Variants in GALNT14 observed in about 807,000 individuals in gnomAD.
The protein encoded by GALNT14 is polypeptide N-acetylgalactosaminyltransferase 14, also known as UDP-GalNAc:polypeptide N-acetylgalactosaminyltransferase 14.
A neutral mutation model predicts 77.5 loss-of-function variants in GALNT14; 60 were observed. That is an observed-to-expected ratio of 0.77 (90% CI 0.63 to 0.96). GALNT14 has a LOEUF of 0.96. Among genes scored for constraint, GALNT14 ranks in the 40% least tolerant of loss-of-function variants. The pLI is 0.00. For synonymous variants in GALNT14, 280 were observed against 281.7 expected, an observed-to-expected ratio of 0.99 and a Z score of 0.06; for missense variants, 710 against 731.0, an observed-to-expected ratio of 0.97 and a Z score of 0.33.
At chr2:31,129,205 G>A (rs1001215879) in intron 1 of GALNT14, 2 of 219,988 alleles carry the variant, frequency 9.1e-6, no homozygotes, top group East Asian at 1.8e-4. Context: ...AGGCTAGCTT[G>A]CCCAAGTCCC....
At chr2:31,134,843 A>T (rs1339047526) in intron 1 of GALNT14, among the ~76,000 whole-genome samples, 1 of 152,208 alleles carries the variant, frequency 6.6e-6, no homozygotes, top group African/African-American at 2.4e-5. Context: ...GAGGGATCCC[A>T]TTCCATTCTT....
At chr2:31,014,030 G>A (rs1309513722) in intron 1 of GALNT14, among the ~76,000 whole-genome samples, 1 of 152,176 alleles carries the variant, frequency 6.6e-6, no homozygotes, top group Non-Finnish European at 1.5e-5. Flanking sequence ...CAAGACCTAT[G>A]CTCTGACACT....
intron 1 of GALNT14, among the ~76,000 whole-genome samples, chr2:31,036,504 G>T (rs1442642307): frequency 1.3e-5 from 2 of 152,102 alleles, no homozygotes; most frequent in Non-Finnish European, 2.9e-5. Context: ...ATTGCTTTAT[G>T]TGGCTGTCTT....
intron 6 of GALNT14, among the ~76,000 whole-genome samples, chr2:30,951,525 T>C (rs1336153257): frequency 6.6e-6 from 1 of 152,218 alleles, no homozygotes; most frequent in East Asian, 1.9e-4. Context: ...TGAAAACTTT[T>C]AAAATTAAGC....
chr2:30,896,318 T>A, the GALNT14 span, among the ~76,000 whole-genome samples: 1 of 152,202 alleles, frequency 6.6e-6, no homozygotes, highest in Non-Finnish European at 1.5e-5. Flanking sequence ...ATTTGTCACA[T>A]TTTCTTTCTG....
chr2:31,053,691 C>A (rs1292079276), intron 1 of GALNT14, among the ~76,000 whole-genome samples: 1 of 152,190 alleles, frequency 6.6e-6, no homozygotes, highest in Non-Finnish European at 1.5e-5. Flanking sequence ...TTACTAGATT[C>A]TCCTATTGCT....
chr2:31,094,534 G>A (rs1676911217), intron 1 of GALNT14, among the ~76,000 whole-genome samples: 1 of 152,230 alleles, frequency 6.6e-6, no homozygotes, highest in Non-Finnish European at 1.5e-5. Flanking sequence ...TATGTGGCCA[G>A]AGGCTCTTGA....
At chr2:30,943,494 C>A (rs1306511047) in intron 8 of GALNT14, among the ~76,000 whole-genome samples, 1 of 152,206 alleles carries the variant, frequency 6.6e-6, no homozygotes, top group Non-Finnish European at 1.5e-5. Context: ...GAACTGGCTT[C>A]ATCCTGGGAA....
At chr2:31,036,653 T>A (rs1672754201) in intron 1 of GALNT14, among the ~76,000 whole-genome samples, 1 of 152,232 alleles carries the variant, frequency 6.6e-6, no homozygotes, top group Non-Finnish European at 1.5e-5. Context: ...CACTGCAACC[T>A]GAAAATCTCT....
chr2:31,135,715 A>C (rs555572541), intron 1 of GALNT14, among the ~76,000 whole-genome samples: 1 of 151,988 alleles, frequency 6.6e-6, no homozygotes, highest in South Asian at 2.1e-4. Flanking sequence ...CTACTAAACC[A>C]CTCCCCACCT....
chr2:31,095,602 G>A (rs1204467711), intron 1 of GALNT14, among the ~76,000 whole-genome samples: 1 of 152,062 alleles, frequency 6.6e-6, no homozygotes, highest in African/African-American at 2.4e-5. Context: ...CCTCCATGAG[G>A]GTAGTGCAGG....
At chr2:31,026,080 A>C (rs1443428819) in intron 1 of GALNT14, among the ~76,000 whole-genome samples, 2 of 152,196 alleles carry the variant, frequency 1.3e-5, no homozygotes, top group Non-Finnish European at 2.9e-5. Context: ...GAGCTACCAC[A>C]TAACATTGAC....
At chr2:30,889,080 C>A in the GALNT14 span, among the ~76,000 whole-genome samples, 1 of 152,084 alleles carries the variant, frequency 6.6e-6, no homozygotes. Context: ...ACCACCCCTG[C>A]GGCTGTGTCC....
At chr2:30,995,358 T>C (rs949705837) in intron 1 of GALNT14, among the ~76,000 whole-genome samples, 1 of 152,206 alleles carries the variant, frequency 6.6e-6, no homozygotes, top group African/African-American at 2.4e-5. Context: ...GTATTCGGTG[T>C]AGGAACAGCT....
At chr2:30,947,149 G>C (rs1435230198) in intron 6 of GALNT14, among the ~76,000 whole-genome samples, 3 of 151,970 alleles carry the variant, frequency 2.0e-5, no homozygotes, top group African/African-American at 7.3e-5. Context: ...TACTACAATG[G>C]ACTCCTAAAC....
At chr2:30,949,535 C>T in intron 6 of GALNT14, among the ~76,000 whole-genome samples, 2 of 152,174 alleles carry the variant, frequency 1.3e-5, no homozygotes, top group East Asian at 3.9e-4. Flanking sequence ...CTCCTCCAAG[C>T]AAATCCAAGT....
At chr2:31,025,784 G>T (rs1022276244) in intron 1 of GALNT14, among the ~76,000 whole-genome samples, 2 of 152,256 alleles carry the variant, frequency 1.3e-5, no homozygotes, top group South Asian at 2.1e-4. Flanking sequence ...GCTATTCTGG[G>T]GTCTGACAAG....
At chr2:30,997,828 G>C (rs1028042817) in intron 1 of GALNT14, among the ~76,000 whole-genome samples, 1 of 152,132 alleles carries the variant, frequency 6.6e-6, no homozygotes, top group African/African-American at 2.4e-5. Context: ...TTTATGGTGA[G>C]AACATTTAAA....
chr2:30,934,087 T>C (rs1665909462), intron 9 of GALNT14, among the ~76,000 whole-genome samples: 1 of 152,138 alleles, frequency 6.6e-6, no homozygotes, highest in South Asian at 2.1e-4. Context: ...CACTTCACAT[T>C]TGAGATTTCG....
Sources: allele counts gnomAD v4.1 joint callset (sites outside exome capture counted in the v4.1 genomes callset), GRCh38; gene constraint gnomAD v4.1.1; transcripts MANE v1.5; gene names NCBI Gene and HGNC (gene_info 2026-07-23, HGNC 2026-07-21).